USP31: variants seen among roughly 807,000 people sequenced by gnomAD.
USP31 encodes the protein ubiquitin carboxyl-terminal hydrolase 31.
In USP31, 44 loss-of-function variants were observed where a neutral mutation model predicts 119.4. The observed-to-expected ratio is 0.37, with a 90% CI of 0.29 to 0.47. USP31 has a LOEUF of 0.47. USP31 is among the 20% of genes least tolerant of loss of function. The pLI is 0.99. For synonymous variants in USP31, 749 were observed against 705.6 expected (o/e 1.06, Z -0.97); for missense variants, 1,643 against 1,730.2 (o/e 0.95, Z 0.89).
At chr16:23,132,859 G>T (rs549566851) in intron 1 of USP31, among the ~76,000 whole-genome samples, 1 of 152,030 alleles carries the variant, frequency 6.6e-6, no homozygotes, top group Non-Finnish European at 1.5e-5. Context: ...CCCAAACACC[G>T]TTTTAAAACC....
chr16:23,064,567 A>C lies in USP31; in HGVS notation c.*3479T>G, dbSNP rs1191584054. Reference sequence around the variant, plus strand: ...AGCTCAGTCTGAAAAGGTGGATGGAAGAGTAAAATGTCTCTAAAGATGAAG... The same window carrying C: ...AGCTCAGTCTGAAAAGGTGGATGGACGAGTAAAATGTCTCTAAAGATGAAG... On this transcript the variant is annotated 3_prime_UTR_variant, in exon 16 of 16. Coordinates refer to ENST00000219689, the MANE Select transcript of USP31 (RefSeq NM_020718.4). The C allele has an allele frequency of 6.6e-6, 1 of 152,242 alleles. No individual in the cohort carries two copies. The highest frequency in any genetic ancestry group is 1.5e-5 in the Non-Finnish European group (1 of 68,048). 9.4% of individuals were successfully genotyped at this position (152,242 alleles called of 1,614,324 possible).
At chr16:23,082,304 G>T in intron 12 of USP31, 134 bp downstream of exon 12, 1 of 1,175,890 alleles carries the variant, frequency 8.5e-7, no homozygotes, top group Non-Finnish European at 1.2e-6. Flanking sequence ...GGGCAAAAGT[G>T]TGTCTATAAC....
Position 23,073,777 on chromosome 16 carries a change from G to C in USP31, c.2280C>G (p.Leu760=), listed in dbSNP as rs1305916803. 3.7e-6 allele frequency: 6 copies of C among 1,613,998 alleles called. No homozygotes were observed. In the Admixed American group the frequency reaches 1.0e-4, roughly 27 times the overall value. The part of the protein sequence containing the change: ...DEVCTQTAYI[L]FYQRRTAIPS... ...GGATGGCTGTCCGCCTCTGGTAGAA[G>C]AGGATGTATGCTGTCTGCGTGCAGA... Residue 760 remains leucine, a synonymous_variant, in exon 14 of 16, where the codon CTC becomes CTG. Transcript: ENST00000219689.
intron 1 of USP31, among the ~76,000 whole-genome samples, chr16:23,119,336 G>T (rs1328297084): frequency 6.6e-6 from 1 of 152,070 alleles, no homozygotes; most frequent in African/African-American, 2.4e-5. Flanking sequence ...GACCTCAAGT[G>T]AGCCGCCTGC....
In USP31 at chr16:23,073,816, C is replaced by A. The variant is rs1163303228; in HGVS notation, c.2241G>T (p.Leu747=). 1.2e-6 allele frequency: 2 copies of A among 1,614,170 alleles called. No homozygotes were observed. The highest frequency in any genetic ancestry group is 1.7e-6 in the Non-Finnish European group (2 of 1,180,042). Residue 747 remains leucine, a synonymous_variant, in exon 14 of 16, where the codon CTG becomes CTT. Coordinates refer to ENST00000219689, the MANE Select transcript of USP31 (RefSeq NM_020718.4). ...TCTGCGTGCAGACCTCATCTTCTGA[C>A]AGCTGCTGCACATCGCTGTCATCGA... ...YCFDDSDVQQ[L]SEDEVCTQTA...
At position 23,105,998 on chromosome 16, in the gene USP31, G is replaced by A. The variant is rs570588857; in HGVS notation, c.953+215C>T. On this transcript the variant is annotated intron_variant, in intron 4 of 15. Transcript: ENST00000219689. ...ATACTATGTGTGGATGACGAACTGG[G>A]CCAGACTACACAGCCCCTGCTTGCC... Among the ~76,000 whole-genome samples, 42 of 152,214 alleles carry A rather than the reference G, an allele frequency of 2.8e-4. No individual in the cohort carries two copies. In the East Asian group the frequency reaches 7.7e-3, roughly 28 times the overall value.
intron 1 of USP31, among the ~76,000 whole-genome samples, chr16:23,143,165 T>C (rs1903400516): frequency 6.6e-6 from 1 of 152,202 alleles, no homozygotes. Context: ...GAGAATTCTA[T>C]TCATCAATTA....
In USP31 at chr16:23,102,197, CAT is replaced by C. The variant is rs530994744; in HGVS notation, c.1234+120_1234+121del. The C allele has an allele frequency of 2.6e-3, 2,864 of 1,084,078 alleles. 7 individuals are homozygous for C. Among genetic ancestry groups the C allele is most frequent in the Non-Finnish European group, 3.2e-3 (2,556 of 799,304 alleles). The allele number at this position is 1,084,078 out of a possible 1,614,324, so 67.2% of individuals were successfully genotyped here. ...TACCATTATACCATCATTAAAAAATCATGTGTATTTTACCACAATTTAAAAAA... is the reference window on the plus strand; with the variant it reads ...TACCATTATACCATCATTAAAAAATCGTGTATTTTACCACAATTTAAAAAA... On this transcript the variant is annotated intron_variant, in intron 6 of 15. Coordinates refer to ENST00000219689, the MANE Select transcript of USP31 (RefSeq NM_020718.4).
In USP31 at chr16:23,082,829, C is replaced by CTTTTTTTTTT. The variant is rs1388989158; in HGVS notation, c.1831-273_1831-272insAAAAAAAAAA. The stretch of plus-strand genomic sequence containing the variant: ...GTTAAATATGTTACTTTCTTTCTCT[C>CTTTTTTTTTT]TCTTTTTTTTTTTTTTTTTGAAACA... On this transcript the variant is annotated intron_variant, in intron 11 of 15. Coordinates refer to ENST00000219689, the MANE Select transcript of USP31 (RefSeq NM_020718.4). 7.4e-4 allele frequency among the ~76,000 whole-genome samples: 86 copies of CTTTTTTTTTT among 116,384 alleles called. 1 individual carries two copies. The South Asian group carries it at 0.013, about 18-fold the overall frequency. The allele number at this position is 116,384 out of a possible 152,430, so 76.4% of individuals were successfully genotyped here.
intron 15 of USP31, among the ~76,000 whole-genome samples, chr16:23,070,171 ATTGACCCAGC>A (rs1165500912): frequency 1.2e-4 from 18 of 152,204 alleles, no homozygotes; most frequent in Admixed American, 1.2e-3. Context: ...GCTGTGAGGT[ATTGACCCAGC>A]TTCATTACCT....
chr16:23,069,438 A>G lies in USP31; in HGVS notation c.2667T>C (p.Ile889=). The change falls in exon 16 of 16, where the codon ATT becomes ATC. Residue 889 remains isoleucine (I), a synonymous_variant. Coordinates refer to ENST00000219689, the MANE Select transcript of USP31 (RefSeq NM_020718.4). ...TCTCCAAGGTGGAAGCAGAGCTGTG[A>G]ATTGGCGAATCCCCTGAAAATCGGG... is the stretch of plus-strand genomic sequence containing the variant. ...SPSRFSGDSP[I]HSSASTLEKI... 1 of 1,614,200 alleles carries G rather than the reference A, an allele frequency of 6.2e-7. No homozygotes were observed. The highest frequency in any genetic ancestry group is 8.5e-7 in the Non-Finnish European group (1 of 1,180,032).
intron 1 of USP31, among the ~76,000 whole-genome samples, chr16:23,110,096 G>A (rs1902257867): frequency 6.6e-6 from 1 of 152,328 alleles, no homozygotes; most frequent in Non-Finnish European, 1.5e-5. Context: ...ATGCACTACA[G>A]TGACATAGGA....
chr16:23,136,839 T>G (rs913388993), intron 1 of USP31, among the ~76,000 whole-genome samples: 1 of 152,194 alleles, frequency 6.6e-6, no homozygotes, highest in Non-Finnish European at 1.5e-5. Context: ...AAGACCTGAA[T>G]AGACATTTCT....
chr16:23,081,180 C>A (rs1900805692), intron 12 of USP31, among the ~76,000 whole-genome samples: 1 of 152,184 alleles, frequency 6.6e-6, no homozygotes, highest in African/African-American at 2.4e-5. Context: ...AAAGAGGACA[C>A]TGCAGGTTTG....
chr16:23,077,288 A>C (rs1017097304), intron 13 of USP31, among the ~76,000 whole-genome samples: 9 of 152,248 alleles, frequency 5.9e-5, no homozygotes, highest in Non-Finnish European at 1.3e-4. Flanking sequence ...CAGCATTTAA[A>C]TATTTAAAGA....
intron 1 of USP31, among the ~76,000 whole-genome samples, chr16:23,126,155 G>GA (rs1026604588): frequency 4.7e-4 from 68 of 143,710 alleles, no homozygotes; most frequent in African/African-American, 1.1e-3. Context: ...GTCTCTACAA[G>GA]AAAAAAAAAA....
At chr16:23,125,933 TA>T in intron 1 of USP31, among the ~76,000 whole-genome samples, 1 of 152,246 alleles carries the variant, frequency 6.6e-6, no homozygotes, top group African/African-American at 2.4e-5. Context: ...TTGCTCAAAG[TA>T]AAGTAAATAG....
intron 6 of USP31, 38 bp from the exon 7 acceptor site, chr16:23,090,842 A>C: frequency 7.0e-7 from 1 of 1,432,276 alleles, no homozygotes; most frequent in South Asian, 1.7e-5. Context: ...TATCTCTTCA[A>C]AATTATTTTT....
intron 1 of USP31, among the ~76,000 whole-genome samples, chr16:23,114,006 G>A (rs1013717226): frequency 1.3e-5 from 2 of 152,110 alleles, no homozygotes; most frequent in Admixed American, 1.3e-4. Flanking sequence ...TTAGGCGACT[G>A]AGGCAGGAGA....
Sources: allele counts gnomAD v4.1 joint callset (sites outside exome capture counted in the v4.1 genomes callset), GRCh38; gene constraint gnomAD v4.1.1; transcripts MANE v1.5; gene names NCBI Gene and HGNC (gene_info 2026-07-23, HGNC 2026-07-21).